The following FXYD3 variants were observed in gnomAD, a reference collection of about 807,000 sequenced individuals.
FXYD3 encodes FXYD domain containing ion transport regulator 3.
In FXYD3, 13 loss-of-function variants were observed where a neutral mutation model predicts 19.2. That is an observed-to-expected ratio of 0.68 (90% CI 0.44 to 1.08). The LOEUF (loss-of-function observed/expected upper bound fraction) is 1.08. FXYD3 is among the 50% of genes least tolerant of loss of function. FXYD3 has a pLI of 0.00. For missense variants in FXYD3, 101 were observed against 109.4 expected (o/e 0.92, Z 0.34); for synonymous variants, 48 against 38.9 (o/e 1.23, Z -0.87).
rs201084993 is a variant in FXYD3 at position 35,119,680 on chromosome 19, T to G, written c.40+264T>G. ...CTTTTTTTGTTTTTGTTTTTGTTTT[T>G]GTTTTTGTTTTTGAAAGGGAGTCTC... On this transcript the variant is annotated intron_variant, in intron 3 of 8. Transcript: ENST00000604404. 39 of 430,404 alleles carry G rather than the reference T, an allele frequency of 9.1e-5. No individual in the cohort carries two copies. The Admixed American group carries it at 1.6e-3, about 17-fold the overall frequency. 26.7% of individuals were successfully genotyped at this position (430,404 alleles called of 1,614,324 possible). A position where few individuals can be genotyped will look rare whatever the true frequency, so the allele number is the denominator to read the frequency against.
chr19:35,121,369 G>A (rs952087902), intron 5 of FXYD3, 124 bp downstream of exon 5: 3 of 1,609,834 alleles, frequency 1.9e-6, no homozygotes, highest in Non-Finnish European at 1.7e-6. Flanking sequence ...GGACTAGGAT[G>A]GGGTTACTGA....
chr19:35,116,895 G>A (rs2064901166), intron 2 of FXYD3: 22 of 985,370 alleles, frequency 2.2e-5, no homozygotes, highest in Non-Finnish European at 2.7e-5. Flanking sequence ...GCTGGGGGAA[G>A]CTTTAAATGG....
At chr19:35,121,565 T>A in intron 5 of FXYD3, 1 of 1,397,106 alleles carries the variant, frequency 7.2e-7, no homozygotes, top group South Asian at 1.6e-5. Flanking sequence ...AGCTATTGGA[T>A]CAAAACCCTC....
Position 35,123,283 on chromosome 19 carries a change from G to A in FXYD3, c.222G>A (p.Gly74=), listed in dbSNP as rs377226344. 83 of 1,605,002 alleles carry A rather than the reference G, an allele frequency of 5.2e-5. No homozygotes were observed. The highest frequency in any genetic ancestry group is 6.6e-5 in the Non-Finnish European group (78 of 1,175,776). Residue 74 remains glycine, a synonymous_variant, in exon 8 of 9, where the codon GGG becomes GGA. Transcript: ENST00000604404. ...TTTGTCTCCTTAGTCACCATCCAGG[G>A]GAGACTCCACCTCTCATCACCCCAG... is the stretch of plus-strand genomic sequence containing the variant. ...KFGQKSGHHP[G]ETPPLITPGS...
intron 2 of FXYD3, chr19:35,116,987 G>T (rs1377055915): frequency 1.0e-5 from 10 of 985,250 alleles, no homozygotes; most frequent in African/African-American, 1.7e-5. Flanking sequence ...TTCTCCCATG[G>T]TATGGAGGAA....
chr19:35,122,919 T>C lies in FXYD3; in HGVS notation c.174T>C (p.Ser58=). 2 of 1,609,096 alleles carry C rather than the reference T, an allele frequency of 1.2e-6. No homozygotes were observed. Among genetic ancestry groups the C allele is most frequent in the South Asian group, 1.1e-5 (1 of 90,630 alleles). Residue 58 remains serine (S), a splice_region_variant and synonymous_variant, in exon 7 of 9, where the codon AGT becomes AGC. Coordinates refer to ENST00000604404, the MANE Select transcript of FXYD3 (RefSeq NM_005971.4). The part of the protein sequence containing the change: ...LCAMGIIIVM[S]AKCKCKFGQK... ...TGACCACTCAGCTCTCCCCAACAGG[T>C]GCAAAATGCAAATGCAAGTTTGGCC... is the stretch of plus-strand genomic sequence containing the variant.
chr19:35,123,144 G>T, intron 7 of FXYD3, 127 bp from the exon 8 acceptor site: 1 of 1,487,416 alleles, frequency 6.7e-7, no homozygotes, highest in Non-Finnish European at 8.9e-7. Context: ...TTTGGCCCCT[G>T]GGATTGCACA....
chr19:35,119,061 C>T (rs2064969899), intron 2 of FXYD3: 1 of 725,318 alleles, frequency 1.4e-6, no homozygotes, highest in Non-Finnish European at 2.4e-6. Context: ...CCCCATCTGT[C>T]CAGTGAGGAC....
At chr19:35,121,395 G>A in intron 5 of FXYD3, 150 bp downstream of exon 5, 1 of 1,583,882 alleles carries the variant, frequency 6.3e-7, no homozygotes, top group Non-Finnish European at 8.6e-7. Context: ...CCACACAGTG[G>A]ATTAAAGGAA....
intron 7 of FXYD3, 55 bp from the exon 8 acceptor site, chr19:35,123,216 G>C (rs565435089): frequency 4.5e-6 from 7 of 1,542,416 alleles, no homozygotes; most frequent in Non-Finnish European, 6.1e-6. Flanking sequence ...CCCTCTATCC[G>C]GAGGGAGAGG....
chr19:35,123,537 A>C lies in FXYD3; in HGVS notation c.*80A>C. On this transcript the variant is annotated 3_prime_UTR_variant, in exon 9 of 9. Coordinates refer to ENST00000604404, the MANE Select transcript of FXYD3 (RefSeq NM_005971.4). ...GTCTCTGCACAGAAACTTGAACTCC[A>C]GGATGGAATTCTTCCTCCTCTGCTG... is the stretch of plus-strand genomic sequence containing the variant. 1 of 1,482,444 alleles carries C rather than the reference A, an allele frequency of 6.7e-7. No homozygotes were observed. Among genetic ancestry groups the C allele is most frequent in the Admixed American group, 1.7e-5 (1 of 58,998 alleles). The allele number at this position is 1,482,444 out of a possible 1,614,324, so 91.8% of individuals were successfully genotyped here.
chr19:35,120,381 C>T (rs2065015250), intron 3 of FXYD3, among the ~76,000 whole-genome samples: 1 of 152,158 alleles, frequency 6.6e-6, no homozygotes, highest in African/African-American at 2.4e-5. Context: ...CTCAAGTGAT[C>T]CTCCTGCCTC....
chr19:35,118,895 C>T (rs925620805), intron 2 of FXYD3, among the ~76,000 whole-genome samples: 3 of 152,216 alleles, frequency 2.0e-5, no homozygotes, highest in African/African-American at 4.8e-5. Flanking sequence ...TCCTGGGAAG[C>T]GGGCCTCCTG....
intron 2 of FXYD3, 170 bp from the exon 3 acceptor site, chr19:35,119,193 C>A (rs1040363871): frequency 4.5e-6 from 7 of 1,566,322 alleles, no homozygotes; most frequent in Non-Finnish European, 6.1e-6. Flanking sequence ...AGTCCCCACT[C>A]CACGGTGCAG....
rs775905037 is a variant in FXYD3, at chr19:35,123,437, G to A, written c.248-4G>A. ...TCACAAACGGACCCCATCACTTCCC[G>A]CAGGCTCAGCCCAAAGCTGATGAGG... On this transcript the variant is annotated splice_polypyrimidine_tract_variant and splice_region_variant and intron_variant, in intron 8 of 8. Transcript: ENST00000604404. 2.0e-5 allele frequency: 33 copies of A among 1,613,840 alleles called. No individual in the cohort carries two copies. The highest frequency in any genetic ancestry group is 3.3e-4 in the Middle Eastern group (2 of 6,084).
chr19:35,116,903 T>C, intron 2 of FXYD3: 1 of 984,458 alleles, frequency 1.0e-6, no homozygotes, highest in Non-Finnish European at 1.2e-6. Flanking sequence ...AAGCTTTAAA[T>C]GGGGAGTTGC....
chr19:35,122,057 C>A (rs971460869), intron 5 of FXYD3, among the ~76,000 whole-genome samples: 3 of 152,088 alleles, frequency 2.0e-5, no homozygotes, highest in East Asian at 1.9e-4. Flanking sequence ...TCTAGAACTC[C>A]TGAACTCCTG....
intron 1 of FXYD3, 128 bp downstream of exon 1, chr19:35,116,087 C>A: frequency 8.1e-6 from 2 of 248,008 alleles, no homozygotes; most frequent in Non-Finnish European, 6.4e-6. Flanking sequence ...TCCCTTAATT[C>A]CAGGGGCCGA....
Position 35,123,561 on chromosome 19 carries a change from TG to T in FXYD3, c.*107del. On this transcript the variant is annotated 3_prime_UTR_variant, in exon 9 of 9. Coordinates refer to ENST00000604404, the MANE Select transcript of FXYD3 (RefSeq NM_005971.4). ...CAGGATGGAATTCTTCCTCCTCTGC[TG>T]GGACTCCTTTGCATGGCAGGGCCTC... The T allele has an allele frequency of 8.2e-7, 1 of 1,225,328 alleles. No homozygotes were observed. The allele number at this position is 1,225,328 out of a possible 1,614,324, so 75.9% of individuals were successfully genotyped here. A position where few individuals can be genotyped will look rare whatever the true frequency, so the allele number is the denominator to read the frequency against.
Sources: allele counts gnomAD v4.1 joint callset (sites outside exome capture counted in the v4.1 genomes callset), GRCh38; gene constraint gnomAD v4.1.1; transcripts MANE v1.5; gene names NCBI Gene and HGNC (gene_info 2026-07-23, HGNC 2026-07-21).